Variants in ADAMTS19 observed in about 807,000 individuals in gnomAD.
The protein encoded by ADAMTS19 is ADAM metallopeptidase with thrombospondin type 1 motif 19, also known as A disintegrin and metalloproteinase with thrombospondin motifs 19.
ADAMTS19 carries 93 observed loss-of-function variants against 153.3 expected under a neutral mutation model. The observed-to-expected ratio is 0.61, with a 90% CI of 0.51 to 0.72. The LOEUF is 0.72. ADAMTS19 is among the 30% of genes least tolerant of loss of function. ADAMTS19 has a pLI of 0.00. For synonymous variants in ADAMTS19, 600 were observed against 556.6 expected (o/e 1.08, Z -1.10); for missense variants, 1,482 against 1,552.1 (o/e 0.95, Z 0.76).
intron 16 of ADAMTS19, among the ~76,000 whole-genome samples, chr5:129,671,425 A>G (rs888957861): frequency 6.6e-6 from 1 of 152,212 alleles, no homozygotes; most frequent in Non-Finnish European, 1.5e-5. Flanking sequence ...CACAGATTTC[A>G]GGCCTAAAGA....
chr5:129,465,101 A>G (rs568579403), intron 2 of ADAMTS19, among the ~76,000 whole-genome samples: 2 of 152,200 alleles, frequency 1.3e-5, no homozygotes, highest in Admixed American at 6.5e-5. Context: ...GAGTGATCTG[A>G]TGACACTGTC....
At chr5:129,508,991 C>A in intron 2 of ADAMTS19, 86 bp from the exon 3 acceptor site, 1 of 1,199,378 alleles carries the variant, frequency 8.3e-7, no homozygotes, top group Non-Finnish European at 1.1e-6. Context: ...TGTTTGTTAA[C>A]AAAAACAGAA....
At chr5:129,694,167 A>G (rs574412968) in intron 18 of ADAMTS19, among the ~76,000 whole-genome samples, 21 of 152,328 alleles carry the variant, frequency 1.4e-4, no homozygotes, top group African/African-American at 5.0e-4. Context: ...ATCACTTTGT[A>G]TATAAAACTT....
At chr5:129,544,621 G>A (rs1487452709) in intron 6 of ADAMTS19, among the ~76,000 whole-genome samples, 1 of 152,116 alleles carries the variant, frequency 6.6e-6, no homozygotes, top group East Asian at 1.9e-4. Context: ...AACAAAGCAA[G>A]TTCTGGCAAC....
chr5:129,737,277 C>T lies in ADAMTS19; in HGVS notation c.*59C>T. On this transcript the variant is annotated 3_prime_UTR_variant, in exon 23 of 23. Coordinates refer to ENST00000274487, the MANE Select transcript of ADAMTS19 (RefSeq NM_133638.6). ...CAATTACATTATTTATAAACACACACACTAGCATGTTTTTCAGACCAAATA... is the reference window on the plus strand; with the variant it reads ...CAATTACATTATTTATAAACACACATACTAGCATGTTTTTCAGACCAAATA... 4 of 1,397,186 alleles carry T rather than the reference C, an allele frequency of 2.9e-6. No individual in the cohort carries two copies. The highest frequency in any genetic ancestry group is 1.6e-5 in the South Asian group (1 of 63,126). The allele number at this position is 1,397,186 out of a possible 1,614,324, so 86.5% of individuals were successfully genotyped here. A position where few individuals can be genotyped will look rare whatever the true frequency, so the allele number is the denominator to read the frequency against.
chr5:129,560,892 T>C (rs1753488139), intron 7 of ADAMTS19, among the ~76,000 whole-genome samples: 1 of 152,212 alleles, frequency 6.6e-6, no homozygotes, highest in African/African-American at 2.4e-5. Context: ...TTTAGAGATG[T>C]TCAGATTGTC....
At position 129,737,318 on chromosome 5, in the gene ADAMTS19, T is replaced by C. The variant is rs1757712697; in HGVS notation, c.*100T>C. 1.7e-6 allele frequency: 2 copies of C among 1,183,604 alleles called. No individual in the cohort carries two copies. Among genetic ancestry groups the C allele is most frequent in the Admixed American group, 3.7e-5 (1 of 26,688 alleles). The allele number at this position is 1,183,604 out of a possible 1,614,324, so 73.3% of individuals were successfully genotyped here. On this transcript the variant is annotated 3_prime_UTR_variant, in exon 23 of 23. Coordinates refer to ENST00000274487, the MANE Select transcript of ADAMTS19 (RefSeq NM_133638.6). ...AGACCAAATATTATCAGATTACATATAATTTAATCAAATTAATTTATTTTT... is the reference window on the plus strand; with the variant it reads ...AGACCAAATATTATCAGATTACATACAATTTAATCAAATTAATTTATTTTT...
chr5:129,472,492 A>G (rs911052571), intron 2 of ADAMTS19, among the ~76,000 whole-genome samples: 2 of 152,222 alleles, frequency 1.3e-5, no homozygotes, highest in South Asian at 4.1e-4. Flanking sequence ...CTCAGATGCT[A>G]GTGAGCTAGA....
At chr5:129,613,789 C>T (rs569321507) in intron 8 of ADAMTS19, among the ~76,000 whole-genome samples, 14 of 151,740 alleles carry the variant, frequency 9.2e-5, no homozygotes, top group Non-Finnish European at 1.8e-4. Context: ...AGACTGCTAG[C>T]GAGACTAATA....
intron 6 of ADAMTS19, among the ~76,000 whole-genome samples, chr5:129,542,408 A>C (rs1752687616): frequency 6.6e-6 from 1 of 152,162 alleles, no homozygotes; most frequent in South Asian, 2.1e-4. Flanking sequence ...TAGGGACTAG[A>C]GTTGGGGAAG....
chr5:129,522,332 C>CACACACATATATATATATAT (rs1309115957), intron 3 of ADAMTS19, among the ~76,000 whole-genome samples: 2 of 58,620 alleles, frequency 3.4e-5, no homozygotes, highest in Non-Finnish European at 5.6e-5. Context: ...CACACACACA[C>CACACACATATATATATATAT]ATATATATAT....
At chr5:129,652,515 T>C (rs768657511) in intron 13 of ADAMTS19, among the ~76,000 whole-genome samples, 8 of 152,030 alleles carry the variant, frequency 5.3e-5, no homozygotes, top group Non-Finnish European at 1.2e-4. Context: ...TTGGAAAGAG[T>C]TGGTCTCTTA....
chr5:129,609,403 A>G lies in ADAMTS19; in HGVS notation c.1479-11215A>G, dbSNP rs568440104. Among the ~76,000 whole-genome samples, 8 of 152,324 alleles carry G rather than the reference A, an allele frequency of 5.3e-5. No individual in the cohort carries two copies. The East Asian group carries it at 1.4e-3, about 26-fold the overall frequency. ...GCACAAAATACAGAGTGACTGAATA[A>G]TAACAATAATTAGTAGTATTATAGT... On this transcript the variant is annotated intron_variant, in intron 8 of 22. Transcript: ENST00000274487.
At chr5:129,528,822 C>G in intron 6 of ADAMTS19, 145 bp downstream of exon 6, 1 of 589,702 alleles carries the variant, frequency 1.7e-6, no homozygotes, top group Non-Finnish European at 2.7e-6. Flanking sequence ...TCATCTCCCT[C>G]AAATCATAAT....
chr5:129,667,403 G>A (rs1754102537), intron 16 of ADAMTS19, among the ~76,000 whole-genome samples: 1 of 152,122 alleles, frequency 6.6e-6, no homozygotes, highest in African/African-American at 2.4e-5. Context: ...GTCTGATATA[G>A]TTTGGATGTT....
At chr5:129,597,976 T>C (rs2126923090) in intron 8 of ADAMTS19, among the ~76,000 whole-genome samples, 1 of 152,018 alleles carries the variant, frequency 6.6e-6, no homozygotes, top group South Asian at 2.1e-4. Context: ...GAATGCAGGC[T>C]TCCCTAATTG....
chr5:129,528,235 T>G (rs891960674), intron 5 of ADAMTS19, among the ~76,000 whole-genome samples: 1 of 152,044 alleles, frequency 6.6e-6, no homozygotes, highest in Admixed American at 6.6e-5. Context: ...GTTCTTAAAT[T>G]GTAGAAACAA....
At chr5:129,586,146 T>A (rs1455821523) in intron 7 of ADAMTS19, among the ~76,000 whole-genome samples, 1 of 152,202 alleles carries the variant, frequency 6.6e-6, no homozygotes, top group Non-Finnish European at 1.5e-5. Context: ...TGGTACATTA[T>A]TTTTACAATT....
intron 6 of ADAMTS19, among the ~76,000 whole-genome samples, chr5:129,529,188 T>G (rs1337776019): frequency 6.6e-6 from 1 of 152,124 alleles, no homozygotes. Context: ...TAAATAAATG[T>G]AAGTGAAATA....
Sources: gnomAD v4.1 joint callset for allele counts (sites outside exome capture counted in the v4.1 genomes callset) on GRCh38, gnomAD v4.1.1 for gene constraint, MANE v1.5 for transcripts, NCBI Gene and HGNC (gene_info 2026-07-23, HGNC 2026-07-21) for gene names.